The following RUNX1 variants were observed in gnomAD, a reference collection of about 807,000 sequenced individuals.
RUNX1 encodes the protein RUNX family transcription factor 1.
Under a neutral mutation model 42.8 loss-of-function variants are expected in RUNX1, and 19 were observed. The ratio of observed to expected loss-of-function variants is 0.44; its 90% CI spans 0.31 to 0.65. The LOEUF is 0.65. RUNX1 is among the 30% of genes least tolerant of loss of function. The probability of loss-of-function intolerance (pLI) is 0.07; values close to 1 mark genes in which losing one functional copy is unlikely to be tolerated. For synonymous variants in RUNX1, 271 were observed against 289.4 expected (o/e 0.94, Z 0.64); for missense variants, 528 against 672.0 (o/e 0.79, Z 2.37).
intron 6 of RUNX1, among the ~76,000 whole-genome samples, chr21:34,855,757 G>GA (rs1485620646): frequency 7.2e-5 from 11 of 152,080 alleles, no homozygotes; most frequent in African/African-American, 2.7e-4. Flanking sequence ...TCCTTTTCTT[G>GA]AAAAATCCTT....
chr21:34,909,920 C>T (rs977873321), intron 2 of RUNX1, among the ~76,000 whole-genome samples: 18 of 152,100 alleles, frequency 1.2e-4, no homozygotes, highest in Admixed American at 1.1e-3. Context: ...TCCCTCCTTG[C>T]TTCCTTCCGC....
chr21:35,022,710 C>CA (rs1410864315), intron 2 of RUNX1, among the ~76,000 whole-genome samples: 1 of 151,988 alleles, frequency 6.6e-6, no homozygotes, highest in Non-Finnish European at 1.5e-5. Flanking sequence ...GCCCAGCCAA[C>CA]ATGGTGAGAT....
chr21:34,804,779 G>A (rs1233867546), intron 7 of RUNX1, among the ~76,000 whole-genome samples: 1 of 140,704 alleles, frequency 7.1e-6, no homozygotes, highest in East Asian at 2.0e-4. Context: ...GTCTCGCTCT[G>A]TCGCCCACAC....
chr21:34,834,651 G>A (rs1302218975), intron 6 of RUNX1, 50 bp from the exon 7 acceptor site: 2 of 1,438,374 alleles, frequency 1.4e-6, no homozygotes, highest in East Asian at 2.3e-5. Flanking sequence ...GAAGGAGGGA[G>A]GGAAGAGATC....
intron 2 of RUNX1, among the ~76,000 whole-genome samples, chr21:35,036,126 A>G (rs1284345572): frequency 6.6e-6 from 1 of 152,174 alleles, no homozygotes. Context: ...GTGTGTGCAG[A>G]AAGTGCTAAA....
intron 2 of RUNX1, among the ~76,000 whole-genome samples, chr21:34,975,343 A>G (rs2058793692): frequency 1.3e-5 from 2 of 152,238 alleles, no homozygotes; most frequent in Admixed American, 1.3e-4. Context: ...GTATATATGG[A>G]TGGTTGTCTG....
chr21:35,022,917 AAT>A (rs1251101462), intron 2 of RUNX1, among the ~76,000 whole-genome samples: 3 of 150,434 alleles, frequency 2.0e-5, no homozygotes, highest in Admixed American at 2.0e-4. Context: ...TAATAATAAT[AAT>A]AAGGCGGAGA....
chr21:34,874,610 C>CAAAAAA (rs59950735), intron 5 of RUNX1, among the ~76,000 whole-genome samples: 581 of 25,280 alleles, frequency 0.023, 111 homozygotes, highest in African/African-American at 0.046. Flanking sequence ...AACTCTGTCT[C>CAAAAAA]AAAAAAAAAA....
intron 2 of RUNX1, among the ~76,000 whole-genome samples, chr21:34,994,406 G>T (rs1044129857): frequency 2.3e-4 from 35 of 152,118 alleles, no homozygotes; most frequent in African/African-American, 8.2e-4. Context: ...ATAACTAAAA[G>T]TATAATTGGA....
At chr21:34,889,513 G>A (rs2058050996) in intron 3 of RUNX1, among the ~76,000 whole-genome samples, 1 of 152,128 alleles carries the variant, frequency 6.6e-6, no homozygotes, top group South Asian at 2.1e-4. Flanking sequence ...TGGAAGGAAA[G>A]TTGAAAGCAG....
intron 2 of RUNX1, among the ~76,000 whole-genome samples, chr21:35,020,552 G>C (rs573021791): frequency 6.6e-6 from 1 of 152,276 alleles, no homozygotes; most frequent in East Asian, 1.9e-4. Flanking sequence ...CTTATGCAAA[G>C]GAATTTCCAT....
intron 8 of RUNX1, among the ~76,000 whole-genome samples, chr21:34,797,548 A>G (rs1446935239): frequency 1.3e-5 from 2 of 152,230 alleles, no homozygotes; most frequent in Non-Finnish European, 2.9e-5. Context: ...GAGAACAGGC[A>G]TTATTTCAGG....
chr21:35,003,529 T>A lies in RUNX1; in HGVS notation c.58+45313A>T, dbSNP rs527534330. Among the ~76,000 whole-genome samples, 43 of 142,984 alleles carry A rather than the reference T, an allele frequency of 3.0e-4. 1 individual carries two copies. The highest frequency in any genetic ancestry group is 1.5e-3 in the Admixed American group (22 of 14,586). The allele number at this position is 142,984 out of a possible 152,430, so 93.8% of individuals were successfully genotyped here. ...AAGGAGAAAAGCTGTCTTTTTTTTT[T>A]TAAAAAAAAAGATGACTCAACCATG... On this transcript the variant is annotated intron_variant, in intron 2 of 8. Coordinates refer to ENST00000675419, the MANE Select transcript of RUNX1 (RefSeq NM_001754.5).
chr21:35,017,546 G>T (rs1262957043), intron 2 of RUNX1, among the ~76,000 whole-genome samples: 1 of 152,178 alleles, frequency 6.6e-6, no homozygotes, highest in East Asian at 1.9e-4. Context: ...GAGGACACCT[G>T]AGGTCTACTT....
At chr21:34,944,120 T>C (rs1302485161) in intron 2 of RUNX1, among the ~76,000 whole-genome samples, 1 of 152,222 alleles carries the variant, frequency 6.6e-6, no homozygotes, top group Non-Finnish European at 1.5e-5. Context: ...GTGATCCTCC[T>C]GCCTCAGCCT....
chr21:35,037,357 C>T (rs1055158866), intron 2 of RUNX1, among the ~76,000 whole-genome samples: 1 of 152,124 alleles, frequency 6.6e-6, no homozygotes, highest in Non-Finnish European at 1.5e-5. Context: ...GGGAGAAACA[C>T]GTGGGCAGGA....
intron 5 of RUNX1, among the ~76,000 whole-genome samples, chr21:34,872,317 A>AG (rs567434074): frequency 1.3e-5 from 2 of 152,084 alleles, no homozygotes; most frequent in African/African-American, 4.8e-5. Context: ...GACATTCATG[A>AG]GGGGGTGGCT....
At chr21:34,926,226 G>A (rs1248235556) in intron 2 of RUNX1, among the ~76,000 whole-genome samples, 1 of 151,852 alleles carries the variant, frequency 6.6e-6, no homozygotes. Flanking sequence ...TGTAATCCCA[G>A]CATTTTGTGA....
At chr21:34,962,211 C>T (rs996986881) in intron 2 of RUNX1, among the ~76,000 whole-genome samples, 2 of 151,856 alleles carry the variant, frequency 1.3e-5, no homozygotes, top group Non-Finnish European at 1.5e-5. Flanking sequence ...TATTTAAATT[C>T]TTTTTTTTCC....
Sources: allele counts gnomAD v4.1 joint callset (sites outside exome capture counted in the v4.1 genomes callset), GRCh38; gene constraint gnomAD v4.1.1; transcripts MANE v1.5; gene names NCBI Gene and HGNC (gene_info 2026-07-23, HGNC 2026-07-21).